Variants in DIAPH2 observed in about 807,000 individuals in gnomAD.
DIAPH2 encodes the protein protein diaphanous homolog 2.
In DIAPH2, 35 loss-of-function variants were observed where a neutral mutation model predicts 92.7. The ratio of observed to expected loss-of-function variants is 0.38; its 90% CI spans 0.29 to 0.50. The LOEUF is 0.50. Among genes scored for constraint, DIAPH2 ranks in the 20% least tolerant of loss-of-function variants. DIAPH2 has a pLI of 0.94. For synonymous variants in DIAPH2, 301 were observed against 280.4 expected, an observed-to-expected ratio of 1.07 and a Z score of -0.73; for missense variants, 701 against 819.5, an observed-to-expected ratio of 0.86 and a Z score of 1.77.
chrX:96,917,899 T>C (rs1489244116), intron 8 of DIAPH2, among the ~76,000 whole-genome samples: 1 of 111,639 alleles, frequency 9.0e-6, no homozygotes, highest in Non-Finnish European at 1.9e-5. Flanking sequence ...TTAACAATTA[T>C]AGGTGTCATA....
At chrX:97,061,923 C>A (rs2066601987) in intron 17 of DIAPH2, among the ~76,000 whole-genome samples, 1 of 110,635 alleles carries the variant, frequency 9.0e-6, no homozygotes, top group Non-Finnish European at 1.9e-5. Flanking sequence ...CCTGTGACAC[C>A]TGTACCTATA....
chrX:97,170,887 AT>A (rs1225911854), intron 22 of DIAPH2, among the ~76,000 whole-genome samples: 1 of 108,300 alleles, frequency 9.2e-6, no homozygotes, highest in African/African-American at 3.3e-5. Flanking sequence ...TTATTTATTT[AT>A]TTTTTTGAGA....
At chrX:96,795,539 G>A (rs1452004707) in intron 4 of DIAPH2, among the ~76,000 whole-genome samples, 9 of 111,765 alleles carry the variant, frequency 8.1e-5, no homozygotes, top group African/African-American at 2.9e-4. Flanking sequence ...AATTATTGAA[G>A]AGGCACAGCG....
At chrX:96,904,806 T>C (rs1276259859) in intron 5 of DIAPH2, among the ~76,000 whole-genome samples, 1 of 110,857 alleles carries the variant, frequency 9.0e-6, no homozygotes, top group Non-Finnish European at 1.9e-5. Context: ...AAGTGAGATG[T>C]TTTCCTATTT....
At chrX:97,192,981 T>C in intron 22 of DIAPH2, among the ~76,000 whole-genome samples, 1 of 107,902 alleles carries the variant, frequency 9.3e-6, no homozygotes, top group Middle Eastern at 4.8e-3. Flanking sequence ...TCCTAAATAA[T>C]ACATTATTTC....
rs139011679 is a variant in DIAPH2, at chrX:97,601,446, TA to T, written c.*2140del. 3.3e-4 allele frequency: 35 copies of T among 104,489 alleles called. No homozygotes were observed. The highest frequency in any genetic ancestry group is 6.9e-4 in the African/African-American group (20 of 28,976). 8.6% of individuals were successfully genotyped at this position (104,489 alleles called of 1,213,427 possible). On this transcript the variant is annotated 3_prime_UTR_variant, in exon 27 of 27. Transcript: ENST00000324765. Reference sequence around the variant, plus strand: ...AATCCCACATGCTTTTCACAAACATTAAAAAAAAAAACCTTTCAGGGTCTTT... The same window carrying T: ...AATCCCACATGCTTTTCACAAACATTAAAAAAAAAACCTTTCAGGGTCTTT...
intron 15 of DIAPH2, among the ~76,000 whole-genome samples, chrX:96,956,834 C>A (rs1162648333): frequency 8.9e-6 from 1 of 112,243 alleles, no homozygotes; most frequent in African/African-American, 3.2e-5. Flanking sequence ...TTCCTGTCTA[C>A]TTCTGAGCCC....
chrX:96,821,134 T>C (rs1265289734), intron 4 of DIAPH2, among the ~76,000 whole-genome samples: 1 of 111,570 alleles, frequency 9.0e-6, no homozygotes, highest in Non-Finnish European at 1.9e-5. Context: ...TAGAGCTGTT[T>C]ACTTATGTTA....
chrX:97,241,465 T>A (rs1256468504), intron 22 of DIAPH2, among the ~76,000 whole-genome samples: 1 of 109,803 alleles, frequency 9.1e-6, no homozygotes, highest in Non-Finnish European at 1.9e-5. Flanking sequence ...GCCCTGCTAA[T>A]TTTTTTGTAT....
intron 25 of DIAPH2, among the ~76,000 whole-genome samples, chrX:97,424,361 G>A (rs1224023725): frequency 9.0e-6 from 1 of 111,163 alleles, no homozygotes; most frequent in Non-Finnish European, 1.9e-5. Flanking sequence ...GGGAATGTGG[G>A]TGGAAAAACA....
intron 26 of DIAPH2, among the ~76,000 whole-genome samples, chrX:97,598,917 G>GTA (rs1224564849): frequency 3.6e-5 from 4 of 112,233 alleles, no homozygotes; most frequent in Non-Finnish European, 7.5e-5. Flanking sequence ...AAAAGGTGCT[G>GTA]TATATAGATC....
chrX:97,358,564 T>G (rs2069291177), intron 24 of DIAPH2, among the ~76,000 whole-genome samples: 2 of 111,858 alleles, frequency 1.8e-5, no homozygotes, highest in Non-Finnish European at 3.8e-5. Flanking sequence ...CAAAATCTAC[T>G]AGATAAGTTA....
chrX:96,951,579 T>C (rs1272015623), intron 15 of DIAPH2, among the ~76,000 whole-genome samples: 4 of 111,506 alleles, frequency 3.6e-5, no homozygotes, highest in Non-Finnish European at 5.6e-5. Flanking sequence ...CCTCCTACCT[T>C]AGCCTCCCAA....
chrX:97,145,751 G>C (rs1266674888), intron 22 of DIAPH2, among the ~76,000 whole-genome samples: 2 of 110,622 alleles, frequency 1.8e-5, no homozygotes, highest in African/African-American at 6.6e-5. Context: ...AATTCAGACT[G>C]AGAATTCTCA....
intron 15 of DIAPH2, among the ~76,000 whole-genome samples, chrX:96,952,975 C>G (rs115519809): frequency 0.034 from 3,632 of 107,861 alleles, 162 homozygotes; most frequent in African/African-American, 0.12. Context: ...AAAAATTAGC[C>G]TGGGGTAGTG....
intron 23 of DIAPH2, among the ~76,000 whole-genome samples, chrX:97,316,980 G>A (rs996997876): frequency 6.3e-5 from 7 of 111,594 alleles, no homozygotes; most frequent in Non-Finnish European, 9.4e-5. Flanking sequence ...AACCAGTGCA[G>A]GGTGTCTAGG....
chrX:96,894,193 T>C (rs1375939518), intron 5 of DIAPH2, among the ~76,000 whole-genome samples: 4 of 111,287 alleles, frequency 3.6e-5, no homozygotes, highest in Non-Finnish European at 7.5e-5. Context: ...TTATTGAACA[T>C]ATGCAGATTG....
At chrX:97,429,606 CT>C in intron 25 of DIAPH2, 43 bp from the exon 26 acceptor site, 1 of 1,185,386 alleles carries the variant, frequency 8.4e-7, no homozygotes. Context: ...TGTAGTTTAA[CT>C]TTAATTGCTC....
chrX:96,824,857 G>C (rs1000293678), intron 4 of DIAPH2, among the ~76,000 whole-genome samples: 3 of 111,537 alleles, frequency 2.7e-5, no homozygotes, highest in African/African-American at 9.8e-5. Flanking sequence ...CTCTTAAGGT[G>C]AGACATTTAA....
Sources: allele counts gnomAD v4.1 joint callset (sites outside exome capture counted in the v4.1 genomes callset), GRCh38; gene constraint gnomAD v4.1.1; transcripts MANE v1.5; gene names NCBI Gene and HGNC (gene_info 2026-07-23, HGNC 2026-07-21).